FNDC3B: variants seen among roughly 807,000 people sequenced by gnomAD.
FNDC3B encodes fibronectin type III domain containing 3B.
A neutral mutation model predicts 151.5 loss-of-function variants in FNDC3B; 12 were observed. The ratio of observed to expected loss-of-function variants is 0.08; its 90% CI spans 0.05 to 0.13. FNDC3B has a LOEUF of 0.13. Among genes scored for constraint, FNDC3B ranks in the 10% least tolerant of loss-of-function variants. FNDC3B has a pLI of 1.00. For missense variants in FNDC3B, 1,214 were observed against 1,505.3 expected (o/e 0.81, Z 3.20); for synonymous variants, 528 against 549.0 (o/e 0.96, Z 0.54).
At chr3:172,232,833 T>C (rs1416651554) in intron 4 of FNDC3B, among the ~76,000 whole-genome samples, 1 of 152,222 alleles carries the variant, frequency 6.6e-6, no homozygotes, top group East Asian at 1.9e-4. Context: ...TGATAAATTA[T>C]TTCACCACAT....
At chr3:172,049,420 G>A (rs1446386313) in intron 1 of FNDC3B, among the ~76,000 whole-genome samples, 2 of 152,194 alleles carry the variant, frequency 1.3e-5, no homozygotes, top group African/African-American at 2.4e-5. Context: ...GGCAGACCAT[G>A]TAAGCACATG....
chr3:172,266,970 C>T (rs1007597055), intron 6 of FNDC3B, among the ~76,000 whole-genome samples: 1 of 152,286 alleles, frequency 6.6e-6, no homozygotes, highest in Non-Finnish European at 1.5e-5. Context: ...GATTGATACA[C>T]CCTCACCTTC....
intron 1 of FNDC3B, among the ~76,000 whole-genome samples, chr3:172,072,734 A>G (rs1717837720): frequency 6.6e-6 from 1 of 152,054 alleles, no homozygotes; most frequent in South Asian, 2.1e-4. Flanking sequence ...AGCAGCCATT[A>G]AGAAGCAAGT....
chr3:172,100,880 C>T (rs1281475579), intron 1 of FNDC3B, among the ~76,000 whole-genome samples: 1 of 152,154 alleles, frequency 6.6e-6, no homozygotes, highest in Non-Finnish European at 1.5e-5. Flanking sequence ...TTCCATCCCC[C>T]CAACCATGCA....
At chr3:172,301,890 T>C (rs1730928312) in intron 9 of FNDC3B, 1 of 152,164 alleles carries the variant, frequency 6.6e-6, no homozygotes, top group Admixed American at 6.6e-5. Context: ...AATAAATTCC[T>C]TGCCATTTTT....
chr3:172,307,022 A>G (rs1731232959), intron 9 of FNDC3B: 1 of 186,368 alleles, frequency 5.4e-6, no homozygotes, highest in Non-Finnish European at 1.1e-5. Context: ...GATAAAGTCA[A>G]CCAGAGAGTA....
intron 3 of FNDC3B, among the ~76,000 whole-genome samples, chr3:172,182,743 A>G (rs1346341758): frequency 6.6e-6 from 1 of 152,240 alleles, no homozygotes; most frequent in Non-Finnish European, 1.5e-5. Flanking sequence ...GTGCAGTGAT[A>G]CATGAGTAAA....
intron 1 of FNDC3B, among the ~76,000 whole-genome samples, chr3:172,078,418 A>T: frequency 6.6e-6 from 1 of 152,190 alleles, no homozygotes; most frequent in African/African-American, 2.4e-5. Flanking sequence ...GCTGTTTTGT[A>T]CTATGGACCT....
rs569182279 is a variant in FNDC3B, at chr3:172,052,175, C to G, written c.-29+12404C>G. ...TCTCTGCTTACTGCAGCCTCCGCCT[C>G]CTGGGCTCAAGTGATCCTTCCACCC... On this transcript the variant is annotated intron_variant, in intron 1 of 25. Coordinates refer to ENST00000415807, the MANE Select transcript of FNDC3B (RefSeq NM_022763.4). 4.0e-5 allele frequency among the ~76,000 whole-genome samples: 6 copies of G among 151,450 alleles called. No homozygotes were observed. The East Asian group carries it at 1.2e-3, about 29-fold the overall frequency.
At chr3:172,307,592 C>A in intron 10 of FNDC3B, 91 bp downstream of exon 10, 1 of 1,311,364 alleles carries the variant, frequency 7.6e-7, no homozygotes, top group Non-Finnish European at 1.1e-6. Flanking sequence ...ACCTGGGAGG[C>A]TGAGGAGGGG....
chr3:172,122,930 G>A (rs1720622874), intron 2 of FNDC3B, among the ~76,000 whole-genome samples: 1 of 152,128 alleles, frequency 6.6e-6, no homozygotes, highest in Admixed American at 6.5e-5. Flanking sequence ...TTCCATTTCT[G>A]TTGTTTAAAA....
intron 3 of FNDC3B, chr3:172,186,633 A>G: frequency 1.5e-6 from 1 of 674,104 alleles, no homozygotes; most frequent in Non-Finnish European, 2.7e-6. Context: ...TTAAAAAATG[A>G]AGAAAATGGC....
chr3:172,391,358 A>G (rs1025301481), intron 25 of FNDC3B, among the ~76,000 whole-genome samples: 1 of 152,190 alleles, frequency 6.6e-6, no homozygotes, highest in Non-Finnish European at 1.5e-5. Flanking sequence ...ATCTAGCTCC[A>G]TGTTAAAGAT....
intron 5 of FNDC3B, among the ~76,000 whole-genome samples, 194 bp downstream of exon 5, chr3:172,247,970 C>T (rs149695469): frequency 1.3e-5 from 2 of 152,208 alleles, no homozygotes; most frequent in South Asian, 4.1e-4. Flanking sequence ...GGGTTTAGTT[C>T]TTTTTCTTTC....
At chr3:172,123,292 A>G (rs1042163670) in intron 2 of FNDC3B, among the ~76,000 whole-genome samples, 12 of 151,802 alleles carry the variant, frequency 7.9e-5, no homozygotes, top group Non-Finnish European at 1.2e-4. Context: ...TCCTGCCTAG[A>G]CCTCCCAAAA....
chr3:172,138,748 A>T (rs948285565), intron 3 of FNDC3B, among the ~76,000 whole-genome samples: 1 of 152,252 alleles, frequency 6.6e-6, no homozygotes, highest in Non-Finnish European at 1.5e-5. Context: ...ATAATTTAGG[A>T]ATCTTTTACC....
In FNDC3B at chr3:172,095,405, T is replaced by C. The variant is rs138930795; in HGVS notation, c.-28-17047T>C. On this transcript the variant is annotated intron_variant, in intron 1 of 25. Transcript: ENST00000415807. ...TCACAGTCCCCACCACCACTGCCCA[T>C]TGGCGCCACTGGGCCCAAAGTGAAG... 4.8e-3 allele frequency among the ~76,000 whole-genome samples: 725 copies of C among 152,286 alleles called. 4 individuals carry two copies. Among genetic ancestry groups the C allele is most frequent in the African/African-American group, 0.017 (695 of 41,562 alleles).
chr3:172,249,536 A>G (rs1030561373), intron 5 of FNDC3B, among the ~76,000 whole-genome samples: 8 of 152,314 alleles, frequency 5.3e-5, no homozygotes, highest in African/African-American at 1.9e-4. Flanking sequence ...CTTAGTTCTT[A>G]GTGTGCATAC....
chr3:172,048,538 C>T (rs1190774240), intron 1 of FNDC3B, among the ~76,000 whole-genome samples: 1 of 152,106 alleles, frequency 6.6e-6, no homozygotes, highest in Non-Finnish European at 1.5e-5. Context: ...CTGTGGAAAA[C>T]AGTTCTGTAG....
Sources: allele counts gnomAD v4.1 joint callset (sites outside exome capture counted in the v4.1 genomes callset), GRCh38; gene constraint gnomAD v4.1.1; transcripts MANE v1.5; gene names NCBI Gene and HGNC (gene_info 2026-07-23, HGNC 2026-07-21).